The following BBX variants were observed in gnomAD, a reference collection of about 807,000 sequenced individuals.
BBX encodes BBX high mobility group box domain containing, also known as HMG box transcription factor BBX.
In BBX, 30 loss-of-function variants were observed where a neutral mutation model predicts 100.2. The ratio of observed to expected loss-of-function variants is 0.30; its 90% CI spans 0.22 to 0.41. The LOEUF is 0.41. BBX is among the 10% of genes least tolerant of loss of function. The probability of loss-of-function intolerance (pLI) is 1.00; values close to 1 mark genes in which losing one functional copy is unlikely to be tolerated. For synonymous variants in BBX, 376 were observed against 388.1 expected (o/e 0.97, Z 0.37); for missense variants, 1,023 against 1,129.8 (o/e 0.91, Z 1.35).
chr3:107,749,857 C>T (rs1044135028), intron 9 of BBX, among the ~76,000 whole-genome samples: 4 of 152,144 alleles, frequency 2.6e-5, no homozygotes, highest in Non-Finnish European at 4.4e-5. Context: ...TGGTCACGAA[C>T]TCCTGACCTC....
At chr3:107,644,398 C>T (rs756745789) in intron 2 of BBX, among the ~76,000 whole-genome samples, 15 of 151,942 alleles carry the variant, frequency 9.9e-5, no homozygotes, top group Non-Finnish European at 1.5e-4. Flanking sequence ...ATTTACTTGA[C>T]GTTTATTTAC....
chr3:107,551,122 G>A (rs1214014172), intron 2 of BBX, among the ~76,000 whole-genome samples: 2 of 152,104 alleles, frequency 1.3e-5, no homozygotes, highest in Non-Finnish European at 2.9e-5. Context: ...GTAATTTACA[G>A]CACAGTTCAA....
intron 8 of BBX, among the ~76,000 whole-genome samples, chr3:107,747,584 T>A (rs1330852602): frequency 2.0e-5 from 3 of 151,456 alleles, no homozygotes; most frequent in African/African-American, 7.3e-5. Context: ...TTGGAAGGAG[T>A]GGTATTGGGA....
At chr3:107,592,360 CA>C (rs398052177) in intron 2 of BBX, among the ~76,000 whole-genome samples, 13,780 of 73,724 alleles carry the variant, frequency 0.19, 335 homozygotes, top group Middle Eastern at 0.25. Flanking sequence ...GACCCTGTCT[CA>C]AAAAAAAAAA....
chr3:107,675,046 G>A lies in BBX; in HGVS notation c.-10+29137G>A, dbSNP rs986368977. On this transcript the variant is annotated intron_variant, in intron 3 of 17. Coordinates refer to ENST00000325805, the MANE Select transcript of BBX (RefSeq NM_001142568.3). ...GTGTGCATTTATTATGTCAGAATATGGTTTATGAATTGTAAGAAATAAGTT... is the reference window on the plus strand; with the variant it reads ...GTGTGCATTTATTATGTCAGAATATAGTTTATGAATTGTAAGAAATAAGTT... Among the ~76,000 whole-genome samples the A allele has an allele frequency of 2.0e-5, 3 of 152,238 alleles. No individual in the cohort carries two copies. In the East Asian group the frequency reaches 5.8e-4, roughly 29 times the overall value.
intron 15 of BBX, among the ~76,000 whole-genome samples, chr3:107,791,520 C>T (rs759985754): frequency 2.6e-5 from 4 of 152,234 alleles, no homozygotes; most frequent in South Asian, 4.1e-4. Flanking sequence ...TGTTAAAGGG[C>T]GATTTGTAAC....
intron 2 of BBX, among the ~76,000 whole-genome samples, chr3:107,629,352 A>G (rs1203048175): frequency 6.6e-6 from 1 of 152,220 alleles, no homozygotes; most frequent in Non-Finnish European, 1.5e-5. Flanking sequence ...TCTACATAGA[A>G]GGGCCAACTA....
chr3:107,523,905 A>G (rs1481291886), intron 1 of BBX, among the ~76,000 whole-genome samples: 1 of 147,446 alleles, frequency 6.8e-6, no homozygotes, highest in Non-Finnish European at 1.5e-5. Flanking sequence ...GTGCTGTTTT[A>G]GTGCCAGAGT....
intron 2 of BBX, among the ~76,000 whole-genome samples, chr3:107,570,074 C>T (rs1217335080): frequency 1.3e-5 from 2 of 152,274 alleles, no homozygotes; most frequent in East Asian, 3.9e-4. Flanking sequence ...ATTCCTTGGC[C>T]CAGTGGCCAG....
At chr3:107,654,685 T>C (rs2058036610) in intron 3 of BBX, among the ~76,000 whole-genome samples, 1 of 152,078 alleles carries the variant, frequency 6.6e-6, no homozygotes, top group Non-Finnish European at 1.5e-5. Context: ...TTTTGTTTTG[T>C]TTTGTTTTTG....
intron 5 of BBX, among the ~76,000 whole-genome samples, chr3:107,725,014 A>G (rs1250907809): frequency 6.6e-6 from 1 of 152,078 alleles, no homozygotes; most frequent in African/African-American, 2.4e-5. Flanking sequence ...GGCCATTTTC[A>G]CGATATTGAT....
At position 107,809,246 on chromosome 3, in the gene BBX, C is replaced by T. The variant is rs1325652193; in HGVS notation, c.*3789C>T. On this transcript the variant is annotated 3_prime_UTR_variant, in exon 18 of 18. Coordinates refer to ENST00000325805, the MANE Select transcript of BBX (RefSeq NM_001142568.3). ...AGGGAAAATACCAAAAAACTCTGTT[C>T]CAAGTTTGGCATTTGACATTAATGT... The T allele has an allele frequency of 6.6e-6, 1 of 152,134 alleles. No homozygotes were observed. The highest frequency in any genetic ancestry group is 1.5e-5 in the Non-Finnish European group (1 of 68,034). 9.4% of individuals were successfully genotyped at this position (152,134 alleles called of 1,614,324 possible). A position where few individuals can be genotyped will look rare whatever the true frequency, so the allele number is the denominator to read the frequency against.
intron 3 of BBX, among the ~76,000 whole-genome samples, chr3:107,690,271 A>G (rs994447301): frequency 6.6e-6 from 1 of 152,122 alleles, no homozygotes; most frequent in African/African-American, 2.4e-5. Context: ...AGTCTCTCTT[A>G]TTTATCCTGT....
intron 2 of BBX, among the ~76,000 whole-genome samples, chr3:107,573,480 A>C (rs1020166780): frequency 2.0e-5 from 3 of 152,022 alleles, no homozygotes; most frequent in Non-Finnish European, 4.4e-5. Flanking sequence ...GCTTGAACCC[A>C]GGAGGCCCGG....
At chr3:107,642,682 C>T (rs2057289291) in intron 2 of BBX, among the ~76,000 whole-genome samples, 1 of 152,172 alleles carries the variant, frequency 6.6e-6, no homozygotes, top group Non-Finnish European at 1.5e-5. Flanking sequence ...GTATTCTGTT[C>T]TCCAGAGGAT....
At chr3:107,570,850 G>C (rs1425100067) in intron 2 of BBX, among the ~76,000 whole-genome samples, 1 of 152,108 alleles carries the variant, frequency 6.6e-6, no homozygotes, top group Non-Finnish European at 1.5e-5. Flanking sequence ...TTTGGGACAA[G>C]TTCGCACTGG....
intron 5 of BBX, among the ~76,000 whole-genome samples, chr3:107,719,171 C>T (rs1172367670): frequency 1.3e-5 from 2 of 151,852 alleles, no homozygotes; most frequent in East Asian, 3.9e-4. Flanking sequence ...TTCAAGGCTC[C>T]CCCAACACAC....
chr3:107,719,717 A>G (rs980087556), intron 5 of BBX, among the ~76,000 whole-genome samples: 2 of 152,018 alleles, frequency 1.3e-5, no homozygotes, highest in African/African-American at 4.8e-5. Context: ...ATGATGTGCA[A>G]TGTTGTGGAT....
chr3:107,808,076 G>A lies in BBX; in HGVS notation c.*2619G>A, dbSNP rs528829079. On this transcript the variant is annotated 3_prime_UTR_variant, in exon 18 of 18. Transcript: ENST00000325805. ...AACATTCGTTAGCACAAATATTTCA[G>A]ACCAATATTAGTGCTCTCCACCCCA... 6.6e-6 allele frequency: 1 copy of A among 152,182 alleles called. No homozygotes were observed. Among genetic ancestry groups the A allele is most frequent in the African/African-American group, 2.4e-5 (1 of 41,508 alleles). 9.4% of individuals were successfully genotyped at this position (152,182 alleles called of 1,614,324 possible).
Sources: gnomAD v4.1 joint callset for allele counts (sites outside exome capture counted in the v4.1 genomes callset) on GRCh38, gnomAD v4.1.1 for gene constraint, MANE v1.5 for transcripts, NCBI Gene and HGNC (gene_info 2026-07-23, HGNC 2026-07-21) for gene names.